LRP1B: variants seen among roughly 807,000 people sequenced by gnomAD.
LRP1B encodes the protein LDL receptor related protein 1B.
In LRP1B, 217 loss-of-function variants were observed where a neutral mutation model predicts 556.6. The ratio of observed to expected loss-of-function variants is 0.39; its 90% CI spans 0.35 to 0.44. The LOEUF (loss-of-function observed/expected upper bound fraction) is 0.44, where lower values mean the gene tolerates loss of function less well. LRP1B is among the 20% of genes least tolerant of loss of function. The probability of loss-of-function intolerance (pLI) is 1.00; values close to 1 mark genes in which losing one functional copy is unlikely to be tolerated. For synonymous variants in LRP1B, 2,047 were observed against 1,865.8 expected (o/e 1.10, Z -2.50); for missense variants, 5,053 against 5,620.8 (o/e 0.90, Z 3.23).
At chr2:141,115,463 T>G (rs1047317356) in intron 7 of LRP1B, among the ~76,000 whole-genome samples, 3 of 144,370 alleles carry the variant, frequency 2.1e-5, no homozygotes, top group Non-Finnish European at 4.5e-5. Context: ...TTTTTGTTTT[T>G]TTTTTTTTTT....
chr2:141,961,951 G>C (rs944333780), intron 1 of LRP1B, among the ~76,000 whole-genome samples: 9 of 151,486 alleles, frequency 5.9e-5, no homozygotes, highest in African/African-American at 1.9e-4. Flanking sequence ...TTTAATATGA[G>C]GCATATTTCA....
chr2:141,689,027 A>G (rs1002839214), intron 2 of LRP1B, among the ~76,000 whole-genome samples: 24 of 151,948 alleles, frequency 1.6e-4, no homozygotes, highest in Admixed American at 4.6e-4. Flanking sequence ...TGCAGATGCT[A>G]TCAATTAAAG....
chr2:142,055,372 A>G (rs565683804), intron 1 of LRP1B, among the ~76,000 whole-genome samples: 1 of 152,296 alleles, frequency 6.6e-6, no homozygotes, highest in South Asian at 2.1e-4. Flanking sequence ...GAATAGTCCA[A>G]CATATTATTT....
Position 140,902,926 on chromosome 2 carries a change from T to C in LRP1B, c.3760A>G (p.Ser1254Gly), listed in dbSNP as rs1456377984. Reference sequence around the variant, plus strand: ...ACACAAAATAGTTACTTACCAACACTTGTACAACTTTCACCGTCTACATCC... The same window carrying C: ...ACACAAAATAGTTACTTACCAACACCTGTACAACTTTCACCGTCTACATCC... The part of the protein sequence containing the change: ...KLDVDGESCT[S>G]VDPFEAFIIF... Residue 1254 changes from serine to glycine, a missense_variant, in exon 23 of 91, where the codon AGT becomes GGT. Physicochemically the swap from Ser to Gly is moderately conservative, Grantham distance 56. Coordinates refer to ENST00000389484, the MANE Select transcript of LRP1B (RefSeq NM_018557.3). 6.2e-7 allele frequency: 1 copy of C among 1,613,286 alleles called. No homozygotes were observed. The highest frequency in any genetic ancestry group is 1.1e-5 in the South Asian group (1 of 91,070).
rs150673913 is a variant in LRP1B at position 140,876,229 on chromosome 2, C to A, written c.4169+7588G>T. Among the ~76,000 whole-genome samples, 12 of 152,172 alleles carry A rather than the reference C, an allele frequency of 7.9e-5. No homozygotes were observed. The East Asian group carries it at 2.3e-3, about 29-fold the overall frequency. ...CTTTTTGCTTGAAACATTGCTAATC[C>A]TTTTTTTCTTTTCAGAGTCAGAGAA... is the stretch of plus-strand genomic sequence containing the variant. On this transcript the variant is annotated intron_variant, in intron 25 of 90. Transcript: ENST00000389484.
intron 66 of LRP1B, among the ~76,000 whole-genome samples, chr2:140,441,493 T>C (rs1487827876): frequency 6.6e-6 from 1 of 152,196 alleles, no homozygotes; most frequent in Non-Finnish European, 1.5e-5. Flanking sequence ...AAAGACCCAA[T>C]TATAATAAGA....
intron 5 of LRP1B, among the ~76,000 whole-genome samples, chr2:141,246,253 G>C (rs1441741709): frequency 2.0e-5 from 3 of 152,154 alleles, no homozygotes; most frequent in South Asian, 2.1e-4. Context: ...TGATAAGAAG[G>C]CTACATTAAT....
chr2:140,538,610 A>G (rs1303579959), intron 45 of LRP1B, among the ~76,000 whole-genome samples: 1 of 152,134 alleles, frequency 6.6e-6, no homozygotes, highest in African/African-American at 2.4e-5. Context: ...TTCAGTCATT[A>G]GCTAAGGCAG....
intron 83 of LRP1B, among the ~76,000 whole-genome samples, chr2:140,309,489 G>A (rs903029175): frequency 6.6e-6 from 1 of 151,660 alleles, no homozygotes; most frequent in African/African-American, 2.4e-5. Flanking sequence ...CTCACCATAT[G>A]GTCCAATCGA....
rs569109537 is a variant in LRP1B, at chr2:140,915,609, A to T, written c.3319+7356T>A. 2.7e-3 allele frequency among the ~76,000 whole-genome samples: 406 copies of T among 151,700 alleles called. 1 individual carries two copies. Among genetic ancestry groups the T allele is most frequent in the African/African-American group, 9.6e-3 (398 of 41,372 alleles). On this transcript the variant is annotated intron_variant, in intron 21 of 90. Coordinates refer to ENST00000389484, the MANE Select transcript of LRP1B (RefSeq NM_018557.3). Reference sequence around the variant, plus strand: ...GGAGGTTGCAGTGAGCTGAGGTCGCACCACTGCACTCCTACCTGGGCAACA... The same window carrying T: ...GGAGGTTGCAGTGAGCTGAGGTCGCTCCACTGCACTCCTACCTGGGCAACA...
At chr2:140,946,169 C>A (rs551145719) in intron 20 of LRP1B, among the ~76,000 whole-genome samples, 29 of 152,242 alleles carry the variant, frequency 1.9e-4, no homozygotes, top group African/African-American at 5.8e-4. Flanking sequence ...TCACACCAAT[C>A]AGAATGGCTA....
intron 2 of LRP1B, among the ~76,000 whole-genome samples, chr2:141,745,694 C>A (rs1322413345): frequency 2.6e-5 from 4 of 151,846 alleles, no homozygotes; most frequent in Non-Finnish European, 5.9e-5. Context: ...AATTTAGTAG[C>A]TAAGGTACAA....
At chr2:141,984,347 G>A (rs16847738) in intron 1 of LRP1B, among the ~76,000 whole-genome samples, 25,399 of 147,584 alleles carry the variant, frequency 0.17, 2,487 homozygotes, top group East Asian at 0.31. Context: ...AAAGAATAAA[G>A]TTTGAGAGTA....
Position 140,493,506 on chromosome 2 carries a change from G to A in LRP1B, c.9035-813C>T, listed in dbSNP as rs80162311. On this transcript the variant is annotated intron_variant, in intron 56 of 90. Transcript: ENST00000389484. The stretch of plus-strand genomic sequence containing the variant: ...TAAATATGTATCTGGATAATTTGAC[G>A]TCAATTTGACCACATTCTCAGTGGT... 3.6e-3 allele frequency among the ~76,000 whole-genome samples: 547 copies of A among 151,910 alleles called. 8 individuals carry two copies. Among genetic ancestry groups the A allele is most frequent in the African/African-American group, 0.012 (507 of 41,450 alleles).
intron 3 of LRP1B, among the ~76,000 whole-genome samples, chr2:141,480,131 T>C (rs530791400): frequency 7.0e-4 from 106 of 151,950 alleles, no homozygotes; most frequent in Non-Finnish European, 1.2e-3. Flanking sequence ...CATATAATTG[T>C]TTAAGAGCCC....
Position 141,199,843 on chromosome 2 carries a change from T to C in LRP1B, c.851-11260A>G, listed in dbSNP as rs1172595967. On this transcript the variant is annotated intron_variant, in intron 6 of 90. Transcript: ENST00000389484. The stretch of plus-strand genomic sequence containing the variant: ...AAAAGAGCTCAACATCACTGACCAC[T>C]GGAGAAATGCAAATCAAAACCACAA... Among the ~76,000 whole-genome samples the C allele has an allele frequency of 2.6e-5, 4 of 151,948 alleles. No homozygotes were observed. In the South Asian group the frequency reaches 6.2e-4, roughly 24 times the overall value.
At chr2:140,926,071 T>TC (rs1335264194) in intron 20 of LRP1B, among the ~76,000 whole-genome samples, 6 of 151,562 alleles carry the variant, frequency 4.0e-5, no homozygotes, top group East Asian at 3.9e-4. Flanking sequence ...TTTTTTTTTT[T>TC]TTCTTCTTAA....
intron 2 of LRP1B, among the ~76,000 whole-genome samples, chr2:141,722,776 A>AGATC (rs1553454445): frequency 7.4e-5 from 11 of 148,330 alleles, no homozygotes; most frequent in East Asian, 2.0e-4. Context: ...ATAGATAGAT[A>AGATC]GATCAATCTA....
chr2:142,049,907 C>T (rs760973323), intron 1 of LRP1B, among the ~76,000 whole-genome samples: 48 of 152,080 alleles, frequency 3.2e-4, no homozygotes, highest in Admixed American at 5.2e-4. Flanking sequence ...GGATAAATTA[C>T]TTTACAGAGT....
Sources: allele counts gnomAD v4.1 joint callset (sites outside exome capture counted in the v4.1 genomes callset), GRCh38; gene constraint gnomAD v4.1.1; transcripts MANE v1.5; gene names NCBI Gene and HGNC (gene_info 2026-07-23, HGNC 2026-07-21).